PTGS1: variants seen among roughly 807,000 people sequenced by gnomAD.
PTGS1 encodes the protein prostaglandin G/H synthase 1.
PTGS1 carries 40 observed loss-of-function variants against 63.0 expected under a neutral mutation model. The observed-to-expected ratio is 0.63, with a 90% CI of 0.49 to 0.83. The LOEUF is 0.83. Ranked by LOEUF, PTGS1 falls within the 40% of genes least tolerant of loss-of-function variation. PTGS1 has a pLI of 0.00. For missense variants in PTGS1, 709 were observed against 786.5 expected (o/e 0.90, Z 1.18); for synonymous variants, 298 against 301.9 (o/e 0.99, Z 0.13).
chr9:122,376,234 C>G (rs1260955495), intron 2 of PTGS1, among the ~76,000 whole-genome samples: 2 of 152,132 alleles, frequency 1.3e-5, no homozygotes, highest in East Asian at 1.9e-4. Flanking sequence ...TTTTGTCCAG[C>G]CTTCTTCCCC....
chr9:122,378,046 C>T (rs76942158), intron 3 of PTGS1, 31 bp downstream of exon 3: 35 of 1,580,622 alleles, frequency 2.2e-5, no homozygotes, highest in East Asian at 4.5e-5. Context: ...TCACTCCTTC[C>T]GTCTTGAGCC....
Position 122,371,254 on chromosome 9 carries a change from C to A in PTGS1, c.76C>A (p.Pro26Thr), listed in dbSNP as rs775435311. ...LPPLPVLLAD[P>T]GAPTPVNPCC... ...GCCGCTCCCCGTCCTGCTCGCGGAC[C>A]CAGGGGCGCCCACGCCAGGTAGGCG... The change falls in exon 2 of 11, where the codon CCA (proline) becomes ACA (threonine). Residue 26 changes from proline to threonine, a missense_variant. Coordinates refer to ENST00000362012, the MANE Select transcript of PTGS1 (RefSeq NM_000962.4). The A allele has an allele frequency of 1.2e-6, 2 of 1,606,020 alleles. No homozygotes were observed. The highest frequency in any genetic ancestry group is 1.7e-6 in the Non-Finnish European group (2 of 1,179,914).
intron 2 of PTGS1, among the ~76,000 whole-genome samples, chr9:122,377,452 C>T (rs539300449): frequency 3.3e-5 from 5 of 152,032 alleles, no homozygotes; most frequent in South Asian, 4.1e-4. Context: ...TCCTCGTCCT[C>T]GTCCCTTTTC....
In PTGS1 at chr9:122,390,087, A is replaced by G. The variant is rs375513757; in HGVS notation, c.1297-111A>G. On this transcript the variant is annotated intron_variant, in intron 9 of 10. Coordinates refer to ENST00000362012, the MANE Select transcript of PTGS1 (RefSeq NM_000962.4). ...ACTGCTAGGCTGCCCAACACTCTCC[A>G]TCCTAGCTCAGAAGGGACTCCCACT... 4.1e-4 allele frequency: 548 copies of G among 1,324,938 alleles called. 3 individuals are homozygous for G. The South Asian group carries it at 8.1e-3, about 20-fold the overall frequency. 82.1% of individuals were successfully genotyped at this position (1,324,938 alleles called of 1,614,324 possible). A position where few individuals can be genotyped will look rare whatever the true frequency, so the allele number is the denominator to read the frequency against.
chr9:122,393,150 C>A lies in PTGS1; in HGVS notation c.*606C>A, dbSNP rs1236925066. The A allele has an allele frequency of 6.5e-6, 1 of 152,822 alleles. No individual in the cohort carries two copies. The highest frequency in any genetic ancestry group is 1.5e-5 in the Non-Finnish European group (1 of 68,546). 9.5% of individuals were successfully genotyped at this position (152,822 alleles called of 1,614,324 possible). A position where few individuals can be genotyped will look rare whatever the true frequency, so the allele number is the denominator to read the frequency against. ...AGGAAGTGGGGTGTTCTTCTTGGGA[C>A]CCCCACTAAGACCCTGGTCTGAGGA... On this transcript the variant is annotated 3_prime_UTR_variant, in exon 11 of 11. Coordinates refer to ENST00000362012, the MANE Select transcript of PTGS1 (RefSeq NM_000962.4).
At position 122,392,506 on chromosome 9, in the gene PTGS1, G is replaced by A; in HGVS notation, c.1762G>A (p.Asp588Asn). The A allele has an allele frequency of 6.2e-7, 1 of 1,614,122 alleles. No individual in the cohort carries two copies. Among genetic ancestry groups the A allele is most frequent in the Non-Finnish European group, 8.5e-7 (1 of 1,180,014 alleles). ...CCGTGTGCCGGATGCCAGTCAGGAT[G>A]ATGGGCCTGCTGTGGAGCGACCATC... ...SFRVPDASQD[D>N]GPAVERPSTE... Residue 588 changes from aspartate (D) to asparagine (N), a missense_variant, in exon 11 of 11, where the codon GAT becomes AAT. Asp to Asn is a conservative substitution (Grantham distance 23). Transcript: ENST00000362012.
At chr9:122,386,266 G>A (rs747187128) in intron 8 of PTGS1, among the ~76,000 whole-genome samples, 180 bp from the exon 9 acceptor site, 2 of 152,126 alleles carry the variant, frequency 1.3e-5, no homozygotes, top group Non-Finnish European at 2.9e-5. Flanking sequence ...TTATACCATT[G>A]CGCTCCAGCT....
upstream of PTGS1, chr9:122,370,992 G>T: frequency 2.0e-6 from 3 of 1,514,702 alleles, no homozygotes; most frequent in Non-Finnish European, 2.6e-6. Flanking sequence ...GCCGGGGGAA[G>T]GGTGGGGAGG....
At chr9:122,391,000 T>G (rs535801598) in intron 10 of PTGS1, among the ~76,000 whole-genome samples, 47 of 152,088 alleles carry the variant, frequency 3.1e-4, no homozygotes, top group South Asian at 2.1e-4. Context: ...GAATGATTAG[T>G]GATGGGAGGT....
At chr9:122,371,604 T>G in intron 2 of PTGS1, 1 of 1,430,454 alleles carries the variant, frequency 7.0e-7, no homozygotes. Context: ...ACCCCGCTGT[T>G]TCCTATAGGG....
chr9:122,375,449 C>A, intron 2 of PTGS1: 1 of 985,494 alleles, frequency 1.0e-6, no homozygotes, highest in Non-Finnish European at 1.2e-6. Flanking sequence ...CTGGAGGTGA[C>A]CAATCTCCTC....
chr9:122,375,199 C>T (rs1242188265), intron 2 of PTGS1: 45 of 660,610 alleles, frequency 6.8e-5, no homozygotes, highest in Non-Finnish European at 8.2e-5. Flanking sequence ...ATGGAAAGAA[C>T]GTGGCGGGGG....
At chr9:122,384,414 T>A (rs760899629) in intron 8 of PTGS1, among the ~76,000 whole-genome samples, 9 of 152,114 alleles carry the variant, frequency 5.9e-5, no homozygotes, top group Non-Finnish European at 1.2e-4. Flanking sequence ...TTATAGAGCC[T>A]AATTCACTGG....
Position 122,392,631 on chromosome 9 carries a change from C to A in PTGS1, c.*87C>A, listed in dbSNP as rs10306183. The A allele has an allele frequency of 0.018, 23,227 of 1,263,662 alleles. 2,320 individuals carry two copies. In the African/African-American group the frequency reaches 0.26, roughly 14 times the overall value. 78.3% of individuals were successfully genotyped at this position (1,263,662 alleles called of 1,614,324 possible). A position where few individuals can be genotyped will look rare whatever the true frequency, so the allele number is the denominator to read the frequency against. On this transcript the variant is annotated 3_prime_UTR_variant, in exon 11 of 11. Transcript: ENST00000362012. ...GCCAGGGCTGATGGTCTTAAATGCT[C>A]ATTTTCTGGTTTGGCATGGTGAGTG...
At chr9:122,378,071 G>A in intron 3 of PTGS1, 56 bp downstream of exon 3, 1 of 1,508,816 alleles carries the variant, frequency 6.6e-7, no homozygotes, top group Non-Finnish European at 9.1e-7. Flanking sequence ...TGCTCCCCGG[G>A]CCCTTTCTCC....
intron 1 of PTGS1, 38 bp from the exon 2 acceptor site, chr9:122,371,148 G>C (rs1235574217): frequency 6.2e-7 from 1 of 1,607,664 alleles, no homozygotes; most frequent in Non-Finnish European, 8.5e-7. Flanking sequence ...GTGGAGCCTT[G>C]AATGCCAGGC....
At position 122,386,682 on chromosome 9, in the gene PTGS1, T is replaced by C. The variant is rs1564142940; in HGVS notation, c.1246T>C (p.Tyr416His). The C allele has an allele frequency of 6.2e-7, 1 of 1,614,206 alleles. No homozygotes were observed. The highest frequency in any genetic ancestry group is 1.3e-5 in the African/African-American group (1 of 75,064). The change falls in exon 9 of 11, where the codon TAT becomes CAT. Residue 416 changes from tyrosine (Y) to histidine (H), a missense_variant. Tyr to His is a moderately conservative substitution (Grantham distance 83). Transcript: ENST00000362012. ...FLFNTSMLVD[Y>H]GVEALVDAFS... ...GTTCAACACCTCCATGTTGGTGGAC[T>C]ATGGGGTTGAGGCCCTGGTGGATGC...
chr9:122,376,344 TTGTGTGTGTGTG>T (rs57350981), intron 2 of PTGS1, among the ~76,000 whole-genome samples: 81 of 127,070 alleles, frequency 6.4e-4, no homozygotes, highest in African/African-American at 1.8e-3. Context: ...TGGTCCTTGC[TTGTGTGTGTGTG>T]TGTGTGTGTG....
At chr9:122,391,360 T>TATATATATATAC (rs1564147161) in intron 10 of PTGS1, among the ~76,000 whole-genome samples, 1 of 51,678 alleles carries the variant, frequency 1.9e-5, no homozygotes, top group Non-Finnish European at 3.0e-5. Flanking sequence ...TATATATACA[T>TATATATATATAC]ATATATATAT....
Sources: gnomAD v4.1 joint callset for allele counts (sites outside exome capture counted in the v4.1 genomes callset) on GRCh38, gnomAD v4.1.1 for gene constraint, MANE v1.5 for transcripts, NCBI Gene and HGNC (gene_info 2026-07-23, HGNC 2026-07-21) for gene names.